Variants in KCNH2 observed in about 807,000 individuals in gnomAD.
KCNH2 encodes the protein potassium voltage-gated channel subfamily H member 2.
In KCNH2, 35 loss-of-function variants were observed where a neutral mutation model predicts 95.9. The ratio of observed to expected loss-of-function variants is 0.37; its 90% CI spans 0.28 to 0.48. The LOEUF (loss-of-function observed/expected upper bound fraction) is 0.48. Ranked by LOEUF, KCNH2 falls within the 20% of genes least tolerant of loss-of-function variation. The probability of loss-of-function intolerance (pLI) is 0.99; values close to 1 mark genes in which losing one functional copy is unlikely to be tolerated. For synonymous variants in KCNH2, 786 were observed against 754.7 expected, an observed-to-expected ratio of 1.04 and a Z score of -0.68; for missense variants, 1,274 against 1,702.9, an observed-to-expected ratio of 0.75 and a Z score of 4.43.
rs1802024646 is a variant in KCNH2 at position 150,978,099 on chromosome 7, C to T, written c.-186G>A. ...TCGGCTCCCGGCTCCCCGCTCCGGA[C>T]CCCGGGCCCGGCCTGGAGCCGCCTG... On this transcript the variant is annotated 5_prime_UTR_variant, in exon 1 of 15. Coordinates refer to ENST00000262186, the MANE Select transcript of KCNH2 (RefSeq NM_000238.4). 1.1e-5 allele frequency: 2 copies of T among 181,170 alleles called. No homozygotes were observed. Among genetic ancestry groups the T allele is most frequent in the Non-Finnish European group, 2.3e-5 (2 of 88,750 alleles). The allele number at this position is 181,170 out of a possible 1,614,324, so 11.2% of individuals were successfully genotyped here. A position where few individuals can be genotyped will look rare whatever the true frequency, so the allele number is the denominator to read the frequency against.
Position 150,958,517 on chromosome 7 carries a change from A to C in KCNH2, c.473-15T>G, listed in dbSNP as rs1461571667. The C allele has an allele frequency of 2.0e-6, 3 of 1,473,490 alleles. No homozygotes were observed. The African/African-American group carries it at 4.4e-5, about 22-fold the overall frequency. The allele number at this position is 1,473,490 out of a possible 1,614,324, so 91.3% of individuals were successfully genotyped here. On this transcript the variant is annotated splice_polypyrimidine_tract_variant and intron_variant, in intron 3 of 14. Coordinates refer to ENST00000262186, the MANE Select transcript of KCNH2 (RefSeq NM_000238.4). Reference sequence around the variant, plus strand: ...CTTGGCGCGGCCTGCGGGAGAGGAGAGGCACGTGGTCGTGGGGATCGCGAG... The same window carrying C: ...CTTGGCGCGGCCTGCGGGAGAGGAGCGGCACGTGGTCGTGGGGATCGCGAG...
rs1801570909 is a variant in KCNH2, at chr7:150,961,698, G to C, written c.308-1962C>G. Among the ~76,000 whole-genome samples, 1 of 152,156 alleles carries C rather than the reference G, an allele frequency of 6.6e-6. No homozygotes were observed. Among genetic ancestry groups the C allele is most frequent in the Non-Finnish European group, 1.5e-5 (1 of 68,026 alleles). On this transcript the variant is annotated intron_variant, in intron 2 of 14. Coordinates refer to ENST00000262186, the MANE Select transcript of KCNH2 (RefSeq NM_000238.4). The surrounding 1 kb of genome is among the most constrained non-coding windows in gnomAD (Gnocchi z 6.2). ...GACAGTGGTGGTGCTGTGAGTCAAG[G>C]TAGAAGCCGGCAACAGACACCGGCA...
Position 150,948,915 on chromosome 7 carries a change from A to G in KCNH2, c.2533T>C (p.Tyr845His). Residue 845 changes from tyrosine to histidine, a missense_variant, in exon 10 of 15, where the codon TAC becomes CAC. Tyr to His is a moderately conservative substitution (Grantham distance 83, BLOSUM62 2). Transcript: ENST00000262186. Reference sequence around the variant, plus strand: ...CAGAAGTGGTCGGAGAACTCAGGGTACATGTCCAGCACCTCCAGCAGGTCG... The same window carrying G: ...CAGAAGTGGTCGGAGAACTCAGGGTGCATGTCCAGCACCTCCAGCAGGTCG... Reference protein sequence around the residue: ...RDDLLEVLDMYPEFSDHFWSS... With the variant: ...RDDLLEVLDMHPEFSDHFWSS... 1 of 1,614,232 alleles carries G rather than the reference A, an allele frequency of 6.2e-7. No individual in the cohort carries two copies.
At chr7:150,963,132 G>C (rs981384623) in intron 2 of KCNH2, among the ~76,000 whole-genome samples, 13 of 152,234 alleles carry the variant, frequency 8.5e-5, no homozygotes, top group African/African-American at 3.1e-4. Context: ...GCAGGCTGCA[G>C]TTCCGCTGAG....
intron 2 of KCNH2, among the ~76,000 whole-genome samples, 144 bp downstream of exon 2, chr7:150,974,551 GGCCCCCGCCCGCGTCA>G (rs1801921702): frequency 6.6e-6 from 1 of 152,110 alleles, no homozygotes. Flanking sequence ...CACACCGCAG[GGCCCCCGCCCGCGTCA>G]CACCCCCACA....
chr7:150,957,509 G>A lies in KCNH2; in HGVS notation c.917-7C>T. On this transcript the variant is annotated splice_region_variant and splice_polypyrimidine_tract_variant and intron_variant, in intron 4 of 14. Transcript: ENST00000262186. ...CGCAGTGGGTGCATGGCCCCTAGGT[G>A]GAGAGGCAGCGTGGTCAGGCCAGCA... The A allele has an allele frequency of 6.2e-7, 1 of 1,601,398 alleles. No homozygotes were observed. The highest frequency in any genetic ancestry group is 8.5e-7 in the Non-Finnish European group (1 of 1,176,732).
At position 150,950,248 on chromosome 7, in the gene KCNH2, C is replaced by A; in HGVS notation, c.2318G>T (p.Gly773Val). 6.2e-7 allele frequency: 1 copy of A among 1,613,492 alleles called. No homozygotes were observed. Among genetic ancestry groups the A allele is most frequent in the Non-Finnish European group, 8.5e-7 (1 of 1,179,726 alleles). Residue 773 changes from glycine (G) to valine (V), a missense_variant, in exon 9 of 15, where the codon GGG becomes GTG. Physicochemically the swap from Gly to Val is moderately radical, Grantham distance 109. Coordinates refer to ENST00000262186, the MANE Select transcript of KCNH2 (RefSeq NM_000238.4). ...GAAGTACAGGGCGGTGAGCAGGTCC[C>A]CAGCATGCACCAGTGTGTCCCCTGG... ...APPGDTLVHA[G>V]DLLTALYFIS...
intron 5 of KCNH2, among the ~76,000 whole-genome samples, chr7:150,953,586 A>C (rs1801264938): frequency 6.6e-6 from 1 of 152,184 alleles, no homozygotes; most frequent in Admixed American, 6.5e-5. Flanking sequence ...CCCCTGTACC[A>C]GCTCACACTC....
chr7:150,970,221 C>T (rs1801803816), intron 2 of KCNH2, among the ~76,000 whole-genome samples: 1 of 152,014 alleles, frequency 6.6e-6, no homozygotes, highest in Non-Finnish European at 1.5e-5. Flanking sequence ...ATCACCCCAC[C>T]CAGGAAGCCA....
chr7:150,958,521 A>G lies in KCNH2; in HGVS notation c.473-19T>C. 1 of 1,473,170 alleles carries G rather than the reference A, an allele frequency of 6.8e-7. No individual in the cohort carries two copies. The highest frequency in any genetic ancestry group is 8.9e-7 in the Non-Finnish European group (1 of 1,118,922). The allele number at this position is 1,473,170 out of a possible 1,614,324, so 91.3% of individuals were successfully genotyped here. On this transcript the variant is annotated intron_variant, in intron 3 of 14. Coordinates refer to ENST00000262186, the MANE Select transcript of KCNH2 (RefSeq NM_000238.4). The stretch of plus-strand genomic sequence containing the variant: ...GCGCGGCCTGCGGGAGAGGAGAGGC[A>G]CGTGGTCGTGGGGATCGCGAGCAGC...
At chr7:150,953,128 A>G (rs908341079) in intron 5 of KCNH2, among the ~76,000 whole-genome samples, 3 of 152,098 alleles carry the variant, frequency 2.0e-5, no homozygotes, top group African/African-American at 7.2e-5. Context: ...AGGAACACCC[A>G]GTGCTGCTCC....
In KCNH2 at chr7:150,977,961, GC is replaced by G; in HGVS notation, c.-49del. The G allele has an allele frequency of 7.8e-7, 1 of 1,284,288 alleles. No individual in the cohort carries two copies. Among genetic ancestry groups the G allele is most frequent in the East Asian group, 2.7e-5 (1 of 37,036 alleles). 79.6% of individuals were successfully genotyped at this position (1,284,288 alleles called of 1,614,324 possible). A position where few individuals can be genotyped will look rare whatever the true frequency, so the allele number is the denominator to read the frequency against. On this transcript the variant is annotated 5_prime_UTR_variant, in exon 1 of 15. Coordinates refer to ENST00000262186, the MANE Select transcript of KCNH2 (RefSeq NM_000238.4). ...GCGGGCCCCCACCCACCCCGGCCCG[GC>G]CCGGCCCAGCACTAGGCTTCGGGTG...
chr7:150,975,220 C>T (rs1484506738), intron 1 of KCNH2, among the ~76,000 whole-genome samples: 1 of 152,098 alleles, frequency 6.6e-6, no homozygotes, highest in Non-Finnish European at 1.5e-5. Context: ...CCGCCGCCTC[C>T]TCCATGCCCG....
chr7:150,973,513 AG>A (rs907223099), intron 2 of KCNH2, among the ~76,000 whole-genome samples: 15 of 152,220 alleles, frequency 9.9e-5, no homozygotes, highest in African/African-American at 3.6e-4. Context: ...TCAGGGTTTG[AG>A]TCTAGTCTCA....
chr7:150,958,434 G>T lies in KCNH2; in HGVS notation c.541C>A (p.Arg181=). The change falls in exon 4 of 15, where the codon CGG becomes AGG. Residue 181 remains arginine, a synonymous_variant. Coordinates refer to ENST00000262186, the MANE Select transcript of KCNH2 (RefSeq NM_000238.4). ...CCCGCGCCGCCCGCGCCGCCCGACC[G>T]CACCGACGACTCCCGGGCCGTCAGC... ...LALTARESSV[R]SGGAGGAGAP... is the part of the protein sequence containing the mutation. 2 of 1,460,842 alleles carry T rather than the reference G, an allele frequency of 1.4e-6. No individual in the cohort carries two copies. The highest frequency in any genetic ancestry group is 1.8e-6 in the Non-Finnish European group (2 of 1,113,488). The allele number at this position is 1,460,842 out of a possible 1,614,324, so 90.5% of individuals were successfully genotyped here.
rs749079285 is a variant in KCNH2, at chr7:150,947,598, C to T, written c.2965+8G>A. 6.8e-6 allele frequency: 11 copies of T among 1,612,184 alleles called. No homozygotes were observed. The East Asian group carries it at 1.3e-4, about 20-fold the overall frequency. On this transcript the variant is annotated splice_region_variant and intron_variant, in intron 12 of 14. Transcript: ENST00000262186. Reference sequence around the variant, plus strand: ...GGTCCTCCCTCGCCCGCCCGTCGCCCGGGATACCTGACAGGGGGTTGCAAG... The same window carrying T: ...GGTCCTCCCTCGCCCGCCCGTCGCCTGGGATACCTGACAGGGGGTTGCAAG...
chr7:150,958,325 GCT>G lies in KCNH2; in HGVS notation c.648_649del (p.Ala217HisfsTer114). The stretch of plus-strand genomic sequence containing the variant: ...GAGCCCTGCCACGTGGTTGTCCATG[GCT>G]GTCACTTCGTCCAGGGCCAGCGACT... On this transcript the variant is annotated frameshift_variant, in exon 4 of 15. Transcript: ENST00000262186. LOFTEE classifies it high-confidence loss of function. 6.7e-7 allele frequency: 1 copy of G among 1,489,344 alleles called. No individual in the cohort carries two copies. Among genetic ancestry groups the G allele is most frequent in the Non-Finnish European group, 8.9e-7 (1 of 1,126,912 alleles). 92.3% of individuals were successfully genotyped at this position (1,489,344 alleles called of 1,614,324 possible). A position where few individuals can be genotyped will look rare whatever the true frequency, so the allele number is the denominator to read the frequency against.
chr7:150,958,509 G>C lies in KCNH2; in HGVS notation c.473-7C>G, dbSNP rs146570628. On this transcript the variant is annotated splice_polypyrimidine_tract_variant and splice_region_variant and intron_variant, in intron 3 of 14. Coordinates refer to ENST00000262186, the MANE Select transcript of KCNH2 (RefSeq NM_000238.4). ...CGGAAGGTCTTGGCGCGGCCTGCGG[G>C]AGAGGAGAGGCACGTGGTCGTGGGG... The C allele has an allele frequency of 5.4e-6, 8 of 1,475,622 alleles. No homozygotes were observed. The highest frequency in any genetic ancestry group is 5.9e-5 in the East Asian group (2 of 33,884). 91.4% of individuals were successfully genotyped at this position (1,475,622 alleles called of 1,614,324 possible).
intron 2 of KCNH2, among the ~76,000 whole-genome samples, chr7:150,966,735 A>C (rs994491730): frequency 1.3e-5 from 2 of 152,230 alleles, no homozygotes; most frequent in African/African-American, 4.8e-5. Context: ...AAAAACTCTT[A>C]AGTGTCCAGG....
Sources: gnomAD v4.1 joint callset for allele counts (sites outside exome capture counted in the v4.1 genomes callset) on GRCh38, gnomAD v4.1.1 for gene constraint, Gnocchi (gnomAD v3.1) non-coding constraint, MANE v1.5 for transcripts, NCBI Gene and HGNC (gene_info 2026-07-23, HGNC 2026-07-21) for gene names.